The following RAB3GAP1 variants were observed in gnomAD, a reference collection of about 807,000 sequenced individuals.
RAB3GAP1 encodes rab3 GTPase-activating protein catalytic subunit.
A neutral mutation model predicts 130.7 loss-of-function variants in RAB3GAP1; 86 were observed. That is an observed-to-expected ratio of 0.66 (90% CI 0.55 to 0.79). The LOEUF is 0.79. Among genes scored for constraint, RAB3GAP1 ranks in the 30% least tolerant of loss-of-function variants. The pLI is 0.00. For synonymous variants in RAB3GAP1, 367 were observed against 401.7 expected (o/e 0.91, Z 1.03); for missense variants, 1,029 against 1,169.4 (o/e 0.88, Z 1.75).
At chr2:135,149,656 G>C (rs1692112253) in intron 17 of RAB3GAP1, among the ~76,000 whole-genome samples, 1 of 152,118 alleles carries the variant, frequency 6.6e-6, no homozygotes, top group Admixed American at 6.5e-5. Context: ...ATCATTGTTA[G>C]AGCAATTTTT....
At chr2:135,065,767 ATTTTTTT>A (rs1201634667) in intron 3 of RAB3GAP1, among the ~76,000 whole-genome samples, 38 of 123,924 alleles carry the variant, frequency 3.1e-4, no homozygotes, top group Non-Finnish European at 5.1e-4. Flanking sequence ...ATCTTCACTA[ATTTTTTT>A]TTTTTTTTTT....
At chr2:135,065,694 C>A (rs114409556) in intron 3 of RAB3GAP1, among the ~76,000 whole-genome samples, 2 of 151,172 alleles carry the variant, frequency 1.3e-5, no homozygotes, top group Non-Finnish European at 2.9e-5. Context: ...CATATGTATG[C>A]GTGAAAACTT....
intron 23 of RAB3GAP1, 40 bp from the exon 24 acceptor site, chr2:135,168,505 T>C: frequency 6.6e-7 from 1 of 1,524,858 alleles, no homozygotes; most frequent in Non-Finnish European, 9.1e-7. Context: ...GAGTTTAGCA[T>C]TTGACCTGCT....
intron 3 of RAB3GAP1, among the ~76,000 whole-genome samples, chr2:135,084,705 A>G (rs186016758): frequency 6.6e-6 from 1 of 152,230 alleles, no homozygotes; most frequent in Non-Finnish European, 1.5e-5. Context: ...GTTATTATTA[A>G]TACTGAACAA....
chr2:135,117,570 G>GCTTCTTCTGCTTCTTCTTCTT (rs1691033403), intron 7 of RAB3GAP1, among the ~76,000 whole-genome samples: 1 of 20,902 alleles, frequency 4.8e-5, no homozygotes, highest in African/African-American at 1.6e-4. Context: ...TTCTTCTTCT[G>GCTTCTTCTGCTTCTTCTTCTT]CTTCTTCTTC....
chr2:135,172,576 A>C (rs1273680741), downstream of RAB3GAP1, among the ~76,000 whole-genome samples: 1 of 152,182 alleles, frequency 6.6e-6, no homozygotes, highest in East Asian at 1.9e-4. Flanking sequence ...AAGGGATCAG[A>C]TTTGATACAG....
At chr2:135,119,517 A>G (rs1486270836) in intron 7 of RAB3GAP1, among the ~76,000 whole-genome samples, 1 of 152,156 alleles carries the variant, frequency 6.6e-6, no homozygotes, top group Non-Finnish European at 1.5e-5. Flanking sequence ...TTTGCTCCTT[A>G]TTATAGGTGA....
chr2:135,084,433 C>T (rs1689919900), intron 3 of RAB3GAP1, among the ~76,000 whole-genome samples: 1 of 152,134 alleles, frequency 6.6e-6, no homozygotes, highest in African/African-American at 2.4e-5. Flanking sequence ...ATAGTTTTAG[C>T]TCTTACATTT....
rs1254210872 is a variant in RAB3GAP1 at position 135,093,724 on chromosome 2, G to T, written c.362+31G>T. 4 of 1,531,800 alleles carry T rather than the reference G, an allele frequency of 2.6e-6. No individual in the cohort carries two copies. The African/African-American group carries it at 5.5e-5, about 21-fold the overall frequency. The allele number at this position is 1,531,800 out of a possible 1,614,324, so 94.9% of individuals were successfully genotyped here. On this transcript the variant is annotated intron_variant, in intron 5 of 23. Transcript: ENST00000264158. Reference sequence around the variant, plus strand: ...TATATCTTTTACTCAGTATCTTTTAGTATGTGTGTTGCGGGGGACCTCAAC... The same window carrying T: ...TATATCTTTTACTCAGTATCTTTTATTATGTGTGTTGCGGGGGACCTCAAC...
intron 19 of RAB3GAP1, among the ~76,000 whole-genome samples, chr2:135,162,016 T>C (rs992919821): frequency 6.6e-6 from 1 of 152,178 alleles, no homozygotes; most frequent in African/African-American, 2.4e-5. Flanking sequence ...ATCTTTACTG[T>C]TGAATAAGGA....
intron 2 of RAB3GAP1, among the ~76,000 whole-genome samples, chr2:135,057,471 C>A (rs974114031): frequency 6.6e-6 from 1 of 152,128 alleles, no homozygotes; most frequent in Non-Finnish European, 1.5e-5. Flanking sequence ...GCGCGATGTC[C>A]GCTCACTGCA....
chr2:135,153,198 G>T (rs1430401511), intron 18 of RAB3GAP1, among the ~76,000 whole-genome samples: 2 of 152,126 alleles, frequency 1.3e-5, no homozygotes, highest in Non-Finnish European at 2.9e-5. Flanking sequence ...TGATCATGTG[G>T]TGTATTATTT....
At chr2:135,066,000 C>G (rs1328894169) in intron 3 of RAB3GAP1, among the ~76,000 whole-genome samples, 1 of 151,994 alleles carries the variant, frequency 6.6e-6, no homozygotes, top group Non-Finnish European at 1.5e-5. Context: ...GTCTCAATCT[C>G]TTGACCTTGT....
At chr2:135,062,884 C>A (rs927142922) in intron 3 of RAB3GAP1, among the ~76,000 whole-genome samples, 2 of 152,188 alleles carry the variant, frequency 1.3e-5, no homozygotes, top group Non-Finnish European at 2.9e-5. Context: ...TGTGTCATAA[C>A]GCCTGGCTAA....
At chr2:135,104,903 A>G (rs1057031853) in intron 5 of RAB3GAP1, among the ~76,000 whole-genome samples, 3 of 152,138 alleles carry the variant, frequency 2.0e-5, no homozygotes, top group Admixed American at 2.0e-4. Flanking sequence ...CAAACAAACA[A>G]ACAAAAAAAC....
In RAB3GAP1 at chr2:135,150,434, A is replaced by G. The variant is rs745982884; in HGVS notation, c.1989A>G (p.Thr663=). 23 of 1,614,122 alleles carry G rather than the reference A, an allele frequency of 1.4e-5. No homozygotes were observed. The Admixed American group carries it at 2.8e-4, about 20-fold the overall frequency. The change falls in exon 18 of 24, where the codon ACA becomes ACG. Residue 663 remains threonine (T), a synonymous_variant. Coordinates refer to ENST00000264158, the MANE Select transcript of RAB3GAP1 (RefSeq NM_012233.3). ...CTGAAGTTTTAGCTAAATTAGGTAC[A>G]TCGGCAGAGGGGGCTCACCTTCGAG... ...EQSEVLAKLG[T]SAEGAHLRAR... is the part of the protein sequence containing the mutation.
chr2:135,062,011 T>C (rs1689185478), intron 3 of RAB3GAP1, among the ~76,000 whole-genome samples: 1 of 152,184 alleles, frequency 6.6e-6, no homozygotes, highest in Non-Finnish European at 1.5e-5. Flanking sequence ...ACTATCCTTA[T>C]GTCAATACCA....
rs1692234046 is a variant in RAB3GAP1, at chr2:135,153,663, T to C, written c.2076T>C (p.Gly692=). The C allele has an allele frequency of 6.2e-7, 1 of 1,613,868 alleles. No homozygotes were observed. The highest frequency in any genetic ancestry group is 2.2e-5 in the East Asian group (1 of 44,882). Residue 692 remains glycine, a synonymous_variant, in exon 19 of 24, where the codon GGT becomes GGC. Coordinates refer to ENST00000264158, the MANE Select transcript of RAB3GAP1 (RefSeq NM_012233.3). ...TCTTATTTTAGGCAGCTAATCCAGG[T>C]TGCTCCCTGGAAGATTTTGTGAGGT... ...DMESFKAANP[G]CSLEDFVRWY...
chr2:135,134,213 G>C (rs1346092415), intron 15 of RAB3GAP1, among the ~76,000 whole-genome samples, 180 bp downstream of exon 15: 1 of 151,894 alleles, frequency 6.6e-6, no homozygotes, highest in Admixed American at 6.6e-5. Context: ...TAGAAAAAAA[G>C]GCAAAACCTA....
Sources: gnomAD v4.1 joint callset for allele counts (sites outside exome capture counted in the v4.1 genomes callset) on GRCh38, gnomAD v4.1.1 for gene constraint, MANE v1.5 for transcripts, NCBI Gene and HGNC (gene_info 2026-07-23, HGNC 2026-07-21) for gene names.